The following REDIC1 variants were observed in gnomAD, a reference collection of about 807,000 sequenced individuals.
REDIC1 encodes the protein regulator of DNA class I crossover intermediates 1, also known as HEI10 Interacting Protein 1.
chr12:39,762,109 T>C, the REDIC1 span, among the ~76,000 whole-genome samples: 3 of 152,082 alleles, frequency 2.0e-5, no homozygotes, highest in African/African-American at 7.2e-5. Context: ...AGCACGCAAA[T>C]GCCAAAACTG....
At chr12:39,847,044 C>A in the REDIC1 span, among the ~76,000 whole-genome samples, 185 of 152,242 alleles carry the variant, frequency 1.2e-3, no homozygotes, top group Middle Eastern at 6.8e-3. Context: ...TTAATGATTC[C>A]TTTTACTTTG....
At chr12:39,849,580 G>T in the REDIC1 span, among the ~76,000 whole-genome samples, 3 of 152,104 alleles carry the variant, frequency 2.0e-5, no homozygotes, top group African/African-American at 7.2e-5. Flanking sequence ...TTGTTCCTTT[G>T]TGACTCTTCC....
At chr12:39,683,061 A>G in the REDIC1 span, 1 of 1,613,132 alleles carries the variant, frequency 6.2e-7, no homozygotes, top group Non-Finnish European at 8.5e-7. Flanking sequence ...AGTATCAGAG[A>G]GAGTATAACA....
chr12:39,828,143 G>A, the REDIC1 span, among the ~76,000 whole-genome samples: 6 of 152,070 alleles, frequency 3.9e-5, no homozygotes, highest in Admixed American at 2.0e-4. Context: ...TTTTCATGGT[G>A]AACACATCCT....
chr12:39,816,472 CTAATG>C, the REDIC1 span, among the ~76,000 whole-genome samples: 3 of 150,420 alleles, frequency 2.0e-5, no homozygotes, highest in East Asian at 5.9e-4. Flanking sequence ...GGAGATATAC[CTAATG>C]TAAATGACGA....
chr12:39,794,067 T>C, the REDIC1 span, among the ~76,000 whole-genome samples: 440 of 147,390 alleles, frequency 3.0e-3, 2 homozygotes, highest in African/African-American at 0.011. Flanking sequence ...TCTAAATTAC[T>C]CTTTTGAGCT....
At chr12:39,747,946 A>G in the REDIC1 span, among the ~76,000 whole-genome samples, 2 of 152,216 alleles carry the variant, frequency 1.3e-5, no homozygotes, top group Admixed American at 6.5e-5. Context: ...ATGGAAAGGA[A>G]CAACCGGTAC....
At chr12:39,641,856 C>G in the REDIC1 span, among the ~76,000 whole-genome samples, 1 of 151,536 alleles carries the variant, frequency 6.6e-6, no homozygotes, top group Non-Finnish European at 1.5e-5. Context: ...CCCAGCTATC[C>G]CCTTTTATAT....
the REDIC1 span, among the ~76,000 whole-genome samples, chr12:39,700,957 A>C: frequency 6.6e-6 from 1 of 152,160 alleles, no homozygotes; most frequent in Non-Finnish European, 1.5e-5. Flanking sequence ...GGAAAGGAAC[A>C]ACCGGTACCA....
At chr12:39,699,880 G>T in the REDIC1 span, among the ~76,000 whole-genome samples, 1 of 152,134 alleles carries the variant, frequency 6.6e-6, no homozygotes, top group African/African-American at 2.4e-5. Flanking sequence ...GCAGCTGAGG[G>T]TCCTGTCTGT....
At chr12:39,660,091 C>A in the REDIC1 span, among the ~76,000 whole-genome samples, 1 of 152,120 alleles carries the variant, frequency 6.6e-6, no homozygotes, top group Non-Finnish European at 1.5e-5. Flanking sequence ...AATTTTCCCC[C>A]CTAGTGAGCT....
At chr12:39,679,949 A>G in the REDIC1 span, among the ~76,000 whole-genome samples, 1 of 152,184 alleles carries the variant, frequency 6.6e-6, no homozygotes, top group Non-Finnish European at 1.5e-5. Flanking sequence ...ATGTAGTATG[A>G]AACTGGATCC....
the REDIC1 span, among the ~76,000 whole-genome samples, chr12:39,637,600 ATTAC>A: frequency 9.9e-5 from 15 of 152,080 alleles, no homozygotes; most frequent in Non-Finnish European, 1.9e-4. Context: ...TTTTAAAGCA[ATTAC>A]TTATGTAGTA....
the REDIC1 span, chr12:39,682,535 A>T: frequency 6.1e-6 from 7 of 1,138,916 alleles, no homozygotes; most frequent in Non-Finnish European, 8.5e-6. Flanking sequence ...ATGTCCTCTA[A>T]GAATTGAAAG....
the REDIC1 span, among the ~76,000 whole-genome samples, chr12:39,653,002 T>C: frequency 6.6e-6 from 1 of 152,112 alleles, no homozygotes; most frequent in Non-Finnish European, 1.5e-5. Context: ...TTGGCTCTTC[T>C]TAATCCTTTG....
At chr12:39,817,088 C>T in the REDIC1 span, among the ~76,000 whole-genome samples, 1 of 151,874 alleles carries the variant, frequency 6.6e-6, no homozygotes, top group African/African-American at 2.4e-5. Flanking sequence ...CTTTTCATAA[C>T]AGCAAAAACA....
chr12:39,892,256 T>C, the REDIC1 span, among the ~76,000 whole-genome samples: 2 of 152,246 alleles, frequency 1.3e-5, no homozygotes, highest in Non-Finnish European at 2.9e-5. Context: ...CTGCCTGTCT[T>C]GCAGCAAGCT....
At chr12:39,728,251 C>T in the REDIC1 span, among the ~76,000 whole-genome samples, 3 of 152,194 alleles carry the variant, frequency 2.0e-5, no homozygotes, top group Non-Finnish European at 4.4e-5. Flanking sequence ...CCAGCTTTTG[C>T]CCATTCAGTA....
At chr12:39,899,221 T>G in the REDIC1 span, among the ~76,000 whole-genome samples, 4 of 152,192 alleles carry the variant, frequency 2.6e-5, no homozygotes, top group African/African-American at 9.7e-5. Flanking sequence ...AGGGTGTATG[T>G]GTCGAGGAAT....
Sources: gnomAD v4.1 joint callset for allele counts (sites outside exome capture counted in the v4.1 genomes callset) on GRCh38, gnomAD v4.1.1 for gene constraint, MANE v1.5 for transcripts, NCBI Gene and HGNC (gene_info 2026-07-23, HGNC 2026-07-21) for gene names.